KCNJ13: variants seen among roughly 807,000 people sequenced by gnomAD.
The protein encoded by KCNJ13 is potassium inwardly rectifying channel subfamily J member 13.
In KCNJ13, 9 loss-of-function variants were observed where a neutral mutation model predicts 24.6. The observed-to-expected ratio is 0.37, with a 90% CI of 0.22 to 0.64. The LOEUF is 0.64. KCNJ13 is among the 30% of genes least tolerant of loss of function. The pLI, the probability that KCNJ13 is intolerant of heterozygous loss-of-function variation, is 0.64. For synonymous variants in KCNJ13, 148 were observed against 154.7 expected (o/e 0.96, Z 0.32); for missense variants, 337 against 443.8 (o/e 0.76, Z 2.16).
chr2:232,769,987 G>A (rs1324042349), intron 2 of KCNJ13, among the ~76,000 whole-genome samples: 1 of 152,000 alleles, frequency 6.6e-6, no homozygotes, highest in Non-Finnish European at 1.5e-5. Context: ...ATTGTTTTTT[G>A]TTGCCTGTAG....
At position 232,765,821 on chromosome 2, in the gene KCNJ13, A is replaced by G. The variant is rs74838457; in HGVS notation, c.*2370T>C. 526 of 387,694 alleles carry G rather than the reference A, an allele frequency of 1.4e-3. No individual in the cohort carries two copies. The highest frequency in any genetic ancestry group is 2.6e-3 in the African/African-American group (106 of 40,882). The allele number at this position is 387,694 out of a possible 1,614,324, so 24.0% of individuals were successfully genotyped here. On this transcript the variant is annotated 3_prime_UTR_variant, in exon 3 of 3. Coordinates refer to ENST00000233826, the MANE Select transcript of KCNJ13 (RefSeq NM_002242.4). ...TAGTATGGGCTTGTACATATGTAAA[A>G]CTAGGCCCCTGAGATTTTTAGGTAA... is the stretch of plus-strand genomic sequence containing the variant.
intron 1 of KCNJ13, among the ~76,000 whole-genome samples, chr2:232,774,062 G>C (rs77361747): frequency 0.012 from 1,863 of 151,878 alleles, 45 homozygotes; most frequent in African/African-American, 0.042. Context: ...CGGGAGGATT[G>C]CTTGAGGTCG....
intron 1 of KCNJ13, among the ~76,000 whole-genome samples, chr2:232,771,918 G>A (rs1270905014): frequency 6.6e-6 from 1 of 152,150 alleles, no homozygotes; most frequent in African/African-American, 2.4e-5. Context: ...GCTTACATTT[G>A]TGGTAAGCTT....
At chr2:232,770,874 GTTTT>G (rs760000696) in intron 2 of KCNJ13, 25 bp downstream of exon 2, 1 of 1,533,558 alleles carries the variant, frequency 6.5e-7, no homozygotes, top group East Asian at 2.3e-5. Context: ...TTTTGTTTTT[GTTTT>G]TTTTAAGAAC....
In KCNJ13 at chr2:232,771,239, G is replaced by A. The variant is rs200415013; in HGVS notation, c.124C>T (p.Arg42Ter). ...DGAQRGLAYL[R>*]DAWGILMDMR... is the part of the protein sequence containing the mutation. Reference sequence around the variant, plus strand: ...TCCATTAGGATTCCCCAAGCATCTCGAAGATATGCAAGACCTCTTTGAGCG... The same window carrying A: ...TCCATTAGGATTCCCCAAGCATCTCAAAGATATGCAAGACCTCTTTGAGCG... The change falls in exon 2 of 3, where the codon CGA becomes TGA. Residue 42 changes from arginine to a stop codon, truncating the protein, a stop_gained. Transcript: ENST00000233826. LOFTEE classifies it high-confidence loss of function. The A allele has an allele frequency of 6.2e-7, 1 of 1,610,174 alleles. No homozygotes were observed. The highest frequency in any genetic ancestry group is 1.1e-5 in the South Asian group (1 of 90,872).
chr2:232,766,925 T>C lies in KCNJ13; in HGVS notation c.*1266A>G, dbSNP rs1344416533. The C allele has an allele frequency of 6.6e-6, 1 of 152,208 alleles. No homozygotes were observed. The highest frequency in any genetic ancestry group is 2.1e-4 in the South Asian group (1 of 4,836). The allele number at this position is 152,208 out of a possible 1,614,324, so 9.4% of individuals were successfully genotyped here. On this transcript the variant is annotated 3_prime_UTR_variant, in exon 3 of 3. Transcript: ENST00000233826. ...AACAGCCACAAATCTGTTTGAAACCTGATAGGGTGACTTTTTTGGTTTTTG... is the reference window on the plus strand; with the variant it reads ...AACAGCCACAAATCTGTTTGAAACCCGATAGGGTGACTTTTTTGGTTTTTG...
At chr2:232,775,926 T>C (rs936011184) in intron 1 of KCNJ13, among the ~76,000 whole-genome samples, 36 of 152,348 alleles carry the variant, frequency 2.4e-4, no homozygotes, top group African/African-American at 7.9e-4. Context: ...AACCCTGTTA[T>C]ATAAGCTCAG....
intron 1 of KCNJ13, among the ~76,000 whole-genome samples, chr2:232,772,207 C>T (rs11887724): frequency 0.022 from 3,286 of 152,224 alleles, 124 homozygotes; most frequent in African/African-American, 0.075. Flanking sequence ...AGCCACCATA[C>T]CTGGTCTTAT....
Position 232,766,773 on chromosome 2 carries a change from CACCTGCTTG to C in KCNJ13, c.*1409_*1417del, listed in dbSNP as rs767801289. 7 of 152,228 alleles carry C rather than the reference CACCTGCTTG, an allele frequency of 4.6e-5. No homozygotes were observed. The highest frequency in any genetic ancestry group is 1.0e-4 in the Non-Finnish European group (7 of 68,044). 9.4% of individuals were successfully genotyped at this position (152,228 alleles called of 1,614,324 possible). ...ACTTGCTGCTGAGCCCTGCTCTTCA[CACCTGCTTG>C]CCTTTACTCAGCTAGTATTTATTTC... On this transcript the variant is annotated 3_prime_UTR_variant, in exon 3 of 3. Coordinates refer to ENST00000233826, the MANE Select transcript of KCNJ13 (RefSeq NM_002242.4).
chr2:232,768,765 A>G lies in KCNJ13; in HGVS notation c.509T>C (p.Ile170Thr). 3 of 1,600,456 alleles carry G rather than the reference A, an allele frequency of 1.9e-6. No homozygotes were observed. The highest frequency in any genetic ancestry group is 2.6e-6 in the Non-Finnish European group (3 of 1,170,386). The change falls in exon 3 of 3, where the codon ATT becomes ACT. Residue 170 changes from isoleucine to threonine, a missense_variant. Physicochemically the swap from Ile to Thr is moderately conservative, Grantham distance 89 (BLOSUM62 -1). This residue lies in a region of KCNJ13 where 235 missense variants were observed against 286.9 expected (regional missense o/e 0.82). Transcript: ENST00000233826. ...IARPKNRAFS[I>T]RFTDTAVVAH... ...TACTACTGCTGTGTCAGTAAAGCGA[A>G]TTGAAAAAGCTCGATTTTTTGGCCG...
rs1009362664 is a variant in KCNJ13, at chr2:232,775,610, A to G, written c.-17+835T>C. Among the ~76,000 whole-genome samples the G allele has an allele frequency of 3.3e-5, 5 of 152,168 alleles. No individual in the cohort carries two copies. The East Asian group carries it at 7.7e-4, about 23-fold the overall frequency. On this transcript the variant is annotated intron_variant, in intron 1 of 2. Coordinates refer to ENST00000233826, the MANE Select transcript of KCNJ13 (RefSeq NM_002242.4). ...TGTGTGGGCTGTAAAATATTTGCCC[A>G]TTTATAAATTATTTGGAGGAAAAAT...
Position 232,768,011 on chromosome 2 carries a change from A to T in KCNJ13, c.*180T>A. ...GCAGGTAACAAACTTTGTAATGTAG[A>T]GTGTTATGTTTCCAGAATGTGTATT... On this transcript the variant is annotated 3_prime_UTR_variant, in exon 3 of 3. Coordinates refer to ENST00000233826, the MANE Select transcript of KCNJ13 (RefSeq NM_002242.4). 1 of 619,370 alleles carries T rather than the reference A, an allele frequency of 1.6e-6. No homozygotes were observed. Among genetic ancestry groups the T allele is most frequent in the South Asian group, 2.0e-5 (1 of 51,228 alleles). The allele number at this position is 619,370 out of a possible 1,614,324, so 38.4% of individuals were successfully genotyped here.
Position 232,768,513 on chromosome 2 carries a change from G to A in KCNJ13, c.761C>T (p.Ala254Val). ...AGGATTTTCATGCTGGAGCAGAGTA[G>A]CCAGAGGACTTGATGGTGTAATGGA... is the stretch of plus-strand genomic sequence containing the variant. ...YHSITPSSPL[A>V]TLLQHENPSH... The change falls in exon 3 of 3, where the codon GCT becomes GTT. Residue 254 changes from alanine (A) to valine (V), a missense_variant. Transcript: ENST00000233826. 1.2e-6 allele frequency: 2 copies of A among 1,614,118 alleles called. No homozygotes were observed. The highest frequency in any genetic ancestry group is 1.7e-6 in the Non-Finnish European group (2 of 1,179,962).
Position 232,768,234 on chromosome 2 carries a change from C to T in KCNJ13, c.1040G>A (p.Ser347Asn). Residue 347 changes from serine (S) to asparagine (N), a missense_variant, in exon 3 of 3, where the codon AGC becomes AAC. Coordinates refer to ENST00000233826, the MANE Select transcript of KCNJ13 (RefSeq NM_002242.4). ...TDLDIHINGQ[S>N]IDNFQISETG... ...TTCAGAGATCTGAAAATTGTCAATG[C>T]TTTGTCCATTGATGTGGATATCCAG... 1 of 1,613,942 alleles carries T rather than the reference C, an allele frequency of 6.2e-7. No homozygotes were observed. The highest frequency in any genetic ancestry group is 8.5e-7 in the Non-Finnish European group (1 of 1,179,826).
intron 1 of KCNJ13, among the ~76,000 whole-genome samples, chr2:232,775,259 C>T (rs893661801): frequency 4.6e-5 from 7 of 152,084 alleles, no homozygotes; most frequent in African/African-American, 1.4e-4. Context: ...CAGGCTCTAG[C>T]ACTGTTGGTT....
intron 2 of KCNJ13, among the ~76,000 whole-genome samples, chr2:232,769,561 G>A (rs1179410523): frequency 1.4e-5 from 2 of 147,852 alleles, no homozygotes; most frequent in Non-Finnish European, 1.5e-5. Flanking sequence ...ACTTTGAAAC[G>A]TATTTTTAAA....
chr2:232,768,427 G>T lies in KCNJ13; in HGVS notation c.847C>A (p.Gln283Lys). ...AMQEGTGEIC[Q>K]RRTSYLPSEI... is the part of the protein sequence containing the mutation. Reference sequence around the variant, plus strand: ...GACGGTAGGTAGGATGTCCTCCTTTGGCATATTTCTCCAGTGCCCTCCTGC... The same window carrying T: ...GACGGTAGGTAGGATGTCCTCCTTTTGCATATTTCTCCAGTGCCCTCCTGC... Residue 283 changes from glutamine to lysine, a missense_variant, in exon 3 of 3, where the codon CAA (glutamine) becomes AAA (lysine). This residue lies in a region of KCNJ13 where 235 missense variants were observed against 286.9 expected (regional missense o/e 0.82). Coordinates refer to ENST00000233826, the MANE Select transcript of KCNJ13 (RefSeq NM_002242.4). The T allele has an allele frequency of 6.2e-7, 1 of 1,614,140 alleles. No individual in the cohort carries two copies. The highest frequency in any genetic ancestry group is 8.5e-7 in the Non-Finnish European group (1 of 1,180,006).
rs1056437805 is a variant in KCNJ13, at chr2:232,765,905, G to A, written c.*2286C>T. On this transcript the variant is annotated 3_prime_UTR_variant, in exon 3 of 3. Coordinates refer to ENST00000233826, the MANE Select transcript of KCNJ13 (RefSeq NM_002242.4). ...TATCTTTATCAGTTTCCAAAGGAAC[G>A]TTTAAAGTTAGTTCCGAAGTAGTCT... The A allele has an allele frequency of 2.3e-6, 1 of 443,996 alleles. No homozygotes were observed. The highest frequency in any genetic ancestry group is 4.7e-6 in the Non-Finnish European group (1 of 213,754). 27.5% of individuals were successfully genotyped at this position (443,996 alleles called of 1,614,324 possible). A position where few individuals can be genotyped will look rare whatever the true frequency, so the allele number is the denominator to read the frequency against.
chr2:232,771,419 T>C, intron 1 of KCNJ13, 41 bp from the exon 2 acceptor site: 1 of 1,290,214 alleles, frequency 7.8e-7, no homozygotes, highest in Non-Finnish European at 1.1e-6. Context: ...AACTGTTTTA[T>C]AGTTAATGTT....
Sources: gnomAD v4.1 joint callset for allele counts (sites outside exome capture counted in the v4.1 genomes callset) on GRCh38, gnomAD v4.1.1 for gene constraint, gnomAD v4.1.1 regional missense constraint, MANE v1.5 for transcripts, NCBI Gene and HGNC (gene_info 2026-07-23, HGNC 2026-07-21) for gene names.